ENOX1: variants seen among roughly 807,000 people sequenced by gnomAD.
ENOX1 encodes the protein ecto-NOX disulfide-thiol exchanger 1.
ENOX1 carries 42 observed loss-of-function variants against 82.5 expected under a neutral mutation model. The ratio of observed to expected loss-of-function variants is 0.51; its 90% confidence interval spans 0.40 to 0.66. The LOEUF is 0.66. ENOX1 is among the 30% of genes least tolerant of loss of function. ENOX1 has a pLI of 0.00. For missense variants in ENOX1, 608 were observed against 811.6 expected, an observed-to-expected ratio of 0.75 and a Z score of 3.05; for synonymous variants, 271 against 282.2, an observed-to-expected ratio of 0.96 and a Z score of 0.40.
At chr13:43,406,315 A>C (rs1052930270) in intron 5 of ENOX1, among the ~76,000 whole-genome samples, 1 of 152,140 alleles carries the variant, frequency 6.6e-6, no homozygotes, top group African/African-American at 2.4e-5. Flanking sequence ...GAATGGCAGG[A>C]AACAGAAGCA....
chr13:43,612,117 T>C (rs2082225281), intron 2 of ENOX1, among the ~76,000 whole-genome samples: 1 of 152,100 alleles, frequency 6.6e-6, no homozygotes, highest in South Asian at 2.1e-4. Context: ...GGGGTGACTA[T>C]AGGAAGGGAA....
At chr13:43,591,158 C>T (rs2081229737) in intron 2 of ENOX1, among the ~76,000 whole-genome samples, 1 of 152,140 alleles carries the variant, frequency 6.6e-6, no homozygotes, top group Non-Finnish European at 1.5e-5. Context: ...ACCATCTGCA[C>T]CTATGTCTTA....
At chr13:43,416,338 C>T (rs180904298) in intron 3 of ENOX1, among the ~76,000 whole-genome samples, 34 of 133,648 alleles carry the variant, frequency 2.5e-4, no homozygotes, top group East Asian at 1.2e-3. Flanking sequence ...AGGCGCTCCT[C>T]AGTTCCCAGA....
intron 15 of ENOX1, among the ~76,000 whole-genome samples, chr13:43,230,329 G>A (rs2042222726): frequency 6.6e-6 from 1 of 151,960 alleles, no homozygotes; most frequent in Admixed American, 6.6e-5. Flanking sequence ...AGGGGAGGAG[G>A]GAATGGTGAC....
At chr13:43,223,147 G>A (rs553618791) in intron 16 of ENOX1, among the ~76,000 whole-genome samples, 1 of 152,332 alleles carries the variant, frequency 6.6e-6, no homozygotes, top group Non-Finnish European at 1.5e-5. Context: ...AGCTGTGTCT[G>A]TTCAGGGACA....
At chr13:43,449,675 T>G (rs922235911) in intron 3 of ENOX1, among the ~76,000 whole-genome samples, 11 of 141,924 alleles carry the variant, frequency 7.8e-5, no homozygotes, top group Non-Finnish European at 1.3e-4. Context: ...CTTCTTATTG[T>G]TTTTTTTTTG....
intron 3 of ENOX1, among the ~76,000 whole-genome samples, chr13:43,450,784 A>C (rs1425593154): frequency 6.6e-6 from 1 of 152,108 alleles, no homozygotes; most frequent in Non-Finnish European, 1.5e-5. Flanking sequence ...AGGCGAGCTC[A>C]TGGGCAAGAT....
Position 43,561,980 on chromosome 13 carries a change from G to T in ENOX1, c.-218-77828C>A, listed in dbSNP as rs1291290050. ...TGAGACCCTGTCAAAAAAAAGGAAGGAAGGAAGAGAGAGAGGGAGGGAGGG... is the reference window on the plus strand; with the variant it reads ...TGAGACCCTGTCAAAAAAAAGGAAGTAAGGAAGAGAGAGAGGGAGGGAGGG... On this transcript the variant is annotated intron_variant, in intron 2 of 16. Coordinates refer to ENST00000690772, the MANE Select transcript of ENOX1 (RefSeq NM_001347969.2). 2.4e-5 allele frequency among the ~76,000 whole-genome samples: 3 copies of T among 127,206 alleles called. No homozygotes were observed. In the East Asian group the frequency reaches 8.5e-4, roughly 36 times the overall value. The allele number at this position is 127,206 out of a possible 152,430, so 83.5% of individuals were successfully genotyped here.
chr13:43,531,134 T>C (rs1432714077), intron 2 of ENOX1, among the ~76,000 whole-genome samples: 2 of 151,940 alleles, frequency 1.3e-5, no homozygotes, highest in African/African-American at 4.8e-5. Flanking sequence ...AAAATAGTAT[T>C]ATTAGGGTAA....
intron 14 of ENOX1, among the ~76,000 whole-genome samples, chr13:43,248,002 C>T (rs2043233662): frequency 7.0e-6 from 1 of 143,386 alleles, no homozygotes; most frequent in South Asian, 2.3e-4. Context: ...TCTCCTGCCT[C>T]AGCCTCCCAA....
At chr13:43,326,332 A>G (rs1176679680) in intron 10 of ENOX1, 87 bp downstream of exon 10, 2 of 1,152,648 alleles carry the variant, frequency 1.7e-6, no homozygotes, top group African/African-American at 3.0e-5. Context: ...GCCCACTATA[A>G]CAGAAACCAT....
In ENOX1 at chr13:43,616,202, ATATTTTT is replaced by A. The variant is rs1230545029; in HGVS notation, c.-219+51270_-219+51276del. The stretch of plus-strand genomic sequence containing the variant: ...TCTATCTATCTATATATATATATAT[ATATTTTT>A]TTTTTTTTTTTAGGACGGAGTCTTA... On this transcript the variant is annotated intron_variant, in intron 2 of 16. Transcript: ENST00000690772. Among the ~76,000 whole-genome samples, 27 of 41,214 alleles carry A rather than the reference ATATTTTT, an allele frequency of 6.6e-4. 5 individuals carry two copies. Among genetic ancestry groups the A allele is most frequent in the Non-Finnish European group, 8.7e-4 (19 of 21,726 alleles). The allele number at this position is 41,214 out of a possible 152,430, so 27.0% of individuals were successfully genotyped here.
chr13:43,630,860 T>TATATATAC (rs34023929), intron 2 of ENOX1, among the ~76,000 whole-genome samples: 22 of 147,798 alleles, frequency 1.5e-4, no homozygotes, highest in Non-Finnish European at 2.5e-4. Flanking sequence ...TATATATATA[T>TATATATAC]ACACACACAC....
In ENOX1 at chr13:43,356,829, C is replaced by T. The variant is rs536673064; in HGVS notation, c.590-677G>A. 3.3e-5 allele frequency among the ~76,000 whole-genome samples: 5 copies of T among 152,180 alleles called. No individual in the cohort carries two copies. In the South Asian group the frequency reaches 1.0e-3, roughly 32 times the overall value. On this transcript the variant is annotated intron_variant, in intron 7 of 16. Transcript: ENST00000690772. ...GATCAAGAGGCCTCGCCGCTGCCTG[C>T]CTCACAGCCCTGCAGCACCTCATCT...
At chr13:43,450,178 A>G (rs183544856) in intron 3 of ENOX1, among the ~76,000 whole-genome samples, 1,607 of 152,282 alleles carry the variant, frequency 0.011, 9 homozygotes, top group Middle Eastern at 0.037. Context: ...CTGGCTGATG[A>G]GGTGGCTTAG....
rs191622450 is a variant in ENOX1 at position 43,676,138 on chromosome 13, T to C, written c.-284-8594A>G. Among the ~76,000 whole-genome samples the C allele has an allele frequency of 7.2e-5, 11 of 152,308 alleles. No homozygotes were observed. The East Asian group carries it at 9.7e-4, about 13-fold the overall frequency. ...CACTCATGCCCAGGAATCACAGGCC[T>C]ATCAGTAGCCTCATCTGGAATTCTT... On this transcript the variant is annotated intron_variant, in intron 1 of 16. Coordinates refer to ENST00000690772, the MANE Select transcript of ENOX1 (RefSeq NM_001347969.2).
intron 11 of ENOX1, among the ~76,000 whole-genome samples, chr13:43,306,216 C>A (rs2046849556): frequency 6.6e-6 from 1 of 152,070 alleles, no homozygotes; most frequent in Non-Finnish European, 1.5e-5. Context: ...ACTGCTTTAC[C>A]AAAAGATTCG....
chr13:43,265,398 A>G lies in ENOX1; in HGVS notation c.1611T>C (p.Asn537=), dbSNP rs137965041. The stretch of plus-strand genomic sequence containing the variant: ...CAAATACCAGGTTTGTGGTACCTAC[A>G]TTTGAATCCTCATGGCTGTGGCCAT... ...ETNGHSHEDS[N]EINVLTVALV... is the part of the protein sequence containing the mutation. The change falls in exon 14 of 17, where the codon AAT becomes AAC. Residue 537 remains asparagine (N), a splice_region_variant and synonymous_variant. Transcript: ENST00000690772. 1.2e-5 allele frequency: 19 copies of G among 1,611,114 alleles called. No individual in the cohort carries two copies. Among genetic ancestry groups the G allele is most frequent in the Admixed American group, 3.4e-5 (2 of 59,612 alleles).
intron 1 of ENOX1, among the ~76,000 whole-genome samples, chr13:43,722,003 T>C (rs2088615369): frequency 6.6e-6 from 1 of 152,172 alleles, no homozygotes; most frequent in African/African-American, 2.4e-5. Context: ...CAATGTCCAG[T>C]TCTCAGGGCC....
Sources: gnomAD v4.1 joint callset for allele counts (sites outside exome capture counted in the v4.1 genomes callset) on GRCh38, gnomAD v4.1.1 for gene constraint, MANE v1.5 for transcripts, NCBI Gene and HGNC (gene_info 2026-07-23, HGNC 2026-07-21) for gene names.